The following TRAPPC9 variants were observed in gnomAD, a reference collection of about 807,000 sequenced individuals.
TRAPPC9 encodes trafficking protein particle complex subunit 9.
In TRAPPC9, 83 loss-of-function variants were observed where a neutral mutation model predicts 124.0. That is an observed-to-expected ratio of 0.67 (90% CI 0.56 to 0.80). The LOEUF (loss-of-function observed/expected upper bound fraction) is 0.80. Among genes scored for constraint, TRAPPC9 ranks in the 30% least tolerant of loss-of-function variants. The probability of loss-of-function intolerance (pLI) is 0.00; values close to 1 mark genes in which losing one functional copy is unlikely to be tolerated. For synonymous variants in TRAPPC9, 638 were observed against 617.5 expected (o/e 1.03, Z -0.49); for missense variants, 1,302 against 1,508.3 (o/e 0.86, Z 2.27).
intron 17 of TRAPPC9, among the ~76,000 whole-genome samples, chr8:140,045,353 C>T (rs527818434): frequency 3.3e-5 from 5 of 152,216 alleles, no homozygotes; most frequent in African/African-American, 7.2e-5. Flanking sequence ...CGGCCAGGTG[C>T]GGTGGCTCAT....
chr8:140,197,265 G>A (rs1450869905), intron 17 of TRAPPC9, among the ~76,000 whole-genome samples: 1 of 152,236 alleles, frequency 6.6e-6, no homozygotes, highest in Non-Finnish European at 1.5e-5. Context: ...GCGGGAATGA[G>A]CTTTGGAATT....
chr8:139,934,903 TG>T (rs1417009986), intron 19 of TRAPPC9, among the ~76,000 whole-genome samples: 1 of 152,226 alleles, frequency 6.6e-6, no homozygotes, highest in Non-Finnish European at 1.5e-5. Context: ...ACTTGTGGGC[TG>T]GGTCAAACCA....
At chr8:140,058,258 T>C (rs958595870) in intron 17 of TRAPPC9, among the ~76,000 whole-genome samples, 2 of 152,178 alleles carry the variant, frequency 1.3e-5, no homozygotes, top group Non-Finnish European at 1.5e-5. Context: ...GAGGAGGTTA[T>C]AGACACTACG....
At chr8:139,910,018 C>A (rs1356514490) in intron 20 of TRAPPC9, 129 bp downstream of exon 20, 2 of 1,094,906 alleles carry the variant, frequency 1.8e-6, no homozygotes, top group East Asian at 4.7e-5. Flanking sequence ...GTCCACATCT[C>A]CTTGCCACAG....
At chr8:140,341,114 G>GC (rs767067171) in intron 9 of TRAPPC9, among the ~76,000 whole-genome samples, 11 of 152,138 alleles carry the variant, frequency 7.2e-5, no homozygotes, top group Non-Finnish European at 1.0e-4. Context: ...CTATGATTAG[G>GC]CTGGGATTAA....
At chr8:140,089,337 G>A (rs1398582523) in intron 17 of TRAPPC9, among the ~76,000 whole-genome samples, 1 of 152,186 alleles carries the variant, frequency 6.6e-6, no homozygotes, top group East Asian at 1.9e-4. Flanking sequence ...GAGGCCAGGT[G>A]TTTTTCAGAA....
At position 140,291,071 on chromosome 8, in the gene TRAPPC9, C is replaced by A; in HGVS notation, c.1776G>T (p.Gln592His). 3 of 1,614,144 alleles carry A rather than the reference C, an allele frequency of 1.9e-6. No individual in the cohort carries two copies. The highest frequency in any genetic ancestry group is 2.5e-6 in the Non-Finnish European group (3 of 1,179,968). ...CTTCACACACATCTCCTTGAACCCA[C>A]TGGAAATCTAGAAAATACACACACA... is the stretch of plus-strand genomic sequence containing the variant. ...GEERNKKIDFQWVQGDVCEVQ... is the reference protein window; with the variant it reads ...GEERNKKIDFHWVQGDVCEVQ... Residue 592 changes from glutamine (Q) to histidine (H), a missense_variant, in exon 12 of 23, where the codon CAG becomes CAT. Coordinates refer to ENST00000438773, the MANE Select transcript of TRAPPC9 (RefSeq NM_001160372.4).
Position 140,371,078 on chromosome 8 carries a change from T to A in TRAPPC9, c.1237A>T (p.Met413Leu). 1 of 1,614,226 alleles carries A rather than the reference T, an allele frequency of 6.2e-7. No homozygotes were observed. Among genetic ancestry groups the A allele is most frequent in the Non-Finnish European group, 8.5e-7 (1 of 1,180,040 alleles). The change falls in exon 8 of 23, where the codon ATG becomes TTG. Residue 413 changes from methionine to leucine, a missense_variant. Transcript: ENST00000438773. ...GCGATGCTTGGGGCCACGCACTGCA[T>A]GGCGGCCACGCGCTTGAAGAACGCA... ...KSAFFKRVAAMQCVAPSIAEP... is the reference protein window; with the variant it reads ...KSAFFKRVAALQCVAPSIAEP...
chr8:140,421,084 G>A (rs1022595483), intron 5 of TRAPPC9, among the ~76,000 whole-genome samples: 2 of 152,144 alleles, frequency 1.3e-5, no homozygotes, highest in African/African-American at 2.4e-5. Flanking sequence ...ATAATGGAAG[G>A]AAACCTTTCC....
chr8:140,300,355 A>C, intron 11 of TRAPPC9, 114 bp downstream of exon 11: 2 of 1,372,836 alleles, frequency 1.5e-6, no homozygotes, highest in Non-Finnish European at 2.1e-6. Flanking sequence ...ACATCCACGC[A>C]CGCACACACA....
chr8:139,939,596 C>T (rs1432870169), intron 19 of TRAPPC9, among the ~76,000 whole-genome samples: 1 of 152,206 alleles, frequency 6.6e-6, no homozygotes, highest in East Asian at 1.9e-4. Context: ...GGAAGCACCC[C>T]TGTCGTGGGG....
chr8:139,751,715 C>G (rs930982366), intron 21 of TRAPPC9, among the ~76,000 whole-genome samples: 6 of 152,132 alleles, frequency 3.9e-5, no homozygotes, highest in Non-Finnish European at 8.8e-5. Flanking sequence ...ACCCATCTAC[C>G]ATCCATCCAT....
rs1586717237 is a variant in TRAPPC9, at chr8:139,730,860, T to G, written c.*201A>C. ...GAACAGTGTAGGAAGGGGCGTGGCA[T>G]GGGGTGGGGCTGCCATGTCCGGGGC... On this transcript the variant is annotated 3_prime_UTR_variant, in exon 23 of 23. Coordinates refer to ENST00000438773, the MANE Select transcript of TRAPPC9 (RefSeq NM_001160372.4). The G allele has an allele frequency of 3.3e-6, 2 of 601,350 alleles. No individual in the cohort carries two copies. The highest frequency in any genetic ancestry group is 5.8e-6 in the Non-Finnish European group (2 of 345,206). 37.3% of individuals were successfully genotyped at this position (601,350 alleles called of 1,614,324 possible).
intron 16 of TRAPPC9, among the ~76,000 whole-genome samples, chr8:140,227,272 T>C (rs1175340639): frequency 2.0e-5 from 3 of 152,272 alleles, no homozygotes; most frequent in Middle Eastern, 3.4e-3. Context: ...GAGAAAATTA[T>C]GTTCAATCAT....
chr8:140,414,151 T>A (rs1017523487), intron 5 of TRAPPC9, among the ~76,000 whole-genome samples: 11 of 151,964 alleles, frequency 7.2e-5, no homozygotes, highest in African/African-American at 2.7e-4. Flanking sequence ...AGAAGAAATA[T>A]GAAGAAGTTG....
chr8:140,047,397 G>A (rs998440845), intron 17 of TRAPPC9, among the ~76,000 whole-genome samples: 3 of 152,262 alleles, frequency 2.0e-5, no homozygotes, highest in East Asian at 1.9e-4. Context: ...TATGGAAGTC[G>A]TTCTCTGCGG....
chr8:139,973,178 AACAGAG>A (rs776490504), intron 19 of TRAPPC9, among the ~76,000 whole-genome samples: 38 of 152,236 alleles, frequency 2.5e-4, no homozygotes, highest in Admixed American at 7.2e-4. Flanking sequence ...TTGTCATGTG[AACAGAG>A]AGGGACCCAG....
At chr8:140,388,411 C>T (rs945431062) in intron 7 of TRAPPC9, among the ~76,000 whole-genome samples, 3 of 151,340 alleles carry the variant, frequency 2.0e-5, no homozygotes, top group African/African-American at 4.9e-5. Flanking sequence ...GGGCCGAGTG[C>T]GGTGGCTTAC....
intron 20 of TRAPPC9, among the ~76,000 whole-genome samples, chr8:139,892,899 A>G (rs899582127): frequency 2.6e-5 from 4 of 152,172 alleles, no homozygotes; most frequent in African/African-American, 9.7e-5. Context: ...CCAGTCGTCT[A>G]TCAGCCAGGG....
Sources: gnomAD v4.1 joint callset for allele counts (sites outside exome capture counted in the v4.1 genomes callset) on GRCh38, gnomAD v4.1.1 for gene constraint, MANE v1.5 for transcripts, NCBI Gene and HGNC (gene_info 2026-07-23, HGNC 2026-07-21) for gene names.